Variants in MSRB3 observed in about 807,000 individuals in gnomAD.
MSRB3 encodes methionine-R-sulfoxide reductase B3.
A neutral mutation model predicts 21.0 loss-of-function variants in MSRB3; 13 were observed. The observed-to-expected ratio is 0.62, with a 90% CI of 0.40 to 0.98. The LOEUF (loss-of-function observed/expected upper bound fraction) is 0.98, where lower values mean the gene tolerates loss of function less well. Ranked by LOEUF, MSRB3 falls within the 50% of genes least tolerant of loss-of-function variation. The pLI, the probability that MSRB3 is intolerant of heterozygous loss-of-function variation, is 0.00. For synonymous variants in MSRB3, 87 were observed against 88.6 expected, an observed-to-expected ratio of 0.98 and a Z score of 0.10; for missense variants, 199 against 230.3, an observed-to-expected ratio of 0.86 and a Z score of 0.88.
In MSRB3 at chr12:65,326,826, G is replaced by T. The variant is rs1875066502; in HGVS notation, c.77G>T (p.Gly26Val). The stretch of plus-strand genomic sequence containing the variant: ...TCTCCCATATCCTCTCTCTTTTCAG[G>T]GTCGTGTAGGGATAAAAAGAACTGT... ...VALRACGLPS[G>V]SCRDKKNCKV... is the part of the protein sequence containing the mutation. The change falls in exon 3 of 7, where the codon GGG becomes GTG. Residue 26 changes from glycine (G) to valine (V), a missense_variant and splice_region_variant. Transcript: ENST00000308259. 6.2e-7 allele frequency: 1 copy of T among 1,612,354 alleles called. No homozygotes were observed. Among genetic ancestry groups the T allele is most frequent in the East Asian group, 2.2e-5 (1 of 44,860 alleles).
At chr12:65,285,328 T>G (rs1487439555) in intron 1 of MSRB3, 1 of 152,186 alleles carries the variant, frequency 6.6e-6, no homozygotes, top group Non-Finnish European at 1.5e-5. Context: ...CACTTGGCCG[T>G]GGTAGCCTGG....
intron 1 of MSRB3, among the ~76,000 whole-genome samples, chr12:65,299,027 T>A (rs536151137): frequency 6.6e-6 from 1 of 152,316 alleles, no homozygotes; most frequent in Non-Finnish European, 1.5e-5. Flanking sequence ...TGCACATGGC[T>A]CTTGGTACAG....
At chr12:65,365,978 G>A (rs1050978997) in intron 4 of MSRB3, among the ~76,000 whole-genome samples, 18 of 151,994 alleles carry the variant, frequency 1.2e-4, no homozygotes, top group African/African-American at 4.4e-4. Flanking sequence ...TTTTGGGGGA[G>A]GGGTGCTTTC....
intron 5 of MSRB3, among the ~76,000 whole-genome samples, chr12:65,436,494 A>C (rs555716311): frequency 6.6e-6 from 1 of 151,994 alleles, no homozygotes; most frequent in East Asian, 1.9e-4. Flanking sequence ...TGCATTTAGA[A>C]ACATTTTCCT....
At chr12:65,374,751 T>G (rs948817610) in intron 5 of MSRB3, among the ~76,000 whole-genome samples, 3 of 152,222 alleles carry the variant, frequency 2.0e-5, no homozygotes, top group Non-Finnish European at 4.4e-5. Context: ...CTGACAAATA[T>G]TTGTGAATAC....
intron 4 of MSRB3, among the ~76,000 whole-genome samples, chr12:65,351,603 A>G (rs1472056128): frequency 5.4e-5 from 8 of 149,330 alleles, no homozygotes; most frequent in African/African-American, 1.8e-4. Context: ...AGAATCAAAT[A>G]GACACAATAA....
rs542212220 is a variant in MSRB3 at position 65,349,391 on chromosome 12, C to A, written c.264-19607C>A. Among the ~76,000 whole-genome samples, 1,288 of 151,968 alleles carry A rather than the reference C, an allele frequency of 8.5e-3. 19 individuals are homozygous for A. The highest frequency in any genetic ancestry group is 0.03 in the African/African-American group (1,220 of 41,318). On this transcript the variant is annotated intron_variant, in intron 4 of 6. Transcript: ENST00000308259. ...CATACGTGTGCATGTGTCTTTATAGCAGCAAGATTTATAGTCCTTTGGGTA... is the reference window on the plus strand; with the variant it reads ...CATACGTGTGCATGTGTCTTTATAGAAGCAAGATTTATAGTCCTTTGGGTA...
At chr12:65,462,638 C>G (rs1883381674) in intron 6 of MSRB3, among the ~76,000 whole-genome samples, 1 of 152,164 alleles carries the variant, frequency 6.6e-6, no homozygotes, top group South Asian at 2.1e-4. Flanking sequence ...TTGAGCCTTG[C>G]CATTGCTTCG....
At chr12:65,460,410 G>T (rs1468623161) in intron 6 of MSRB3, among the ~76,000 whole-genome samples, 1 of 152,202 alleles carries the variant, frequency 6.6e-6, no homozygotes, top group African/African-American at 2.4e-5. Flanking sequence ...GGGAGACTAG[G>T]TTTACCTGGG....
In MSRB3 at chr12:65,331,890, A is replaced by G. The variant is rs191631618; in HGVS notation, c.263+3287A>G. Among the ~76,000 whole-genome samples the G allele has an allele frequency of 1.5e-4, 23 of 152,348 alleles. No homozygotes were observed. In the East Asian group the frequency reaches 3.5e-3, roughly 23 times the overall value. ...ACATTGCAAAAGCCTGGAAGCAGAG[A>G]AACTGCATGGGCTGTGGGATCTGGA... On this transcript the variant is annotated intron_variant, in intron 4 of 6. Coordinates refer to ENST00000308259, the MANE Select transcript of MSRB3 (RefSeq NM_001031679.3).
intron 5 of MSRB3, chr12:65,418,960 GTC>G: frequency 2.8e-6 from 2 of 708,512 alleles, no homozygotes; most frequent in Non-Finnish European, 5.1e-6. Context: ...CTCTGCCCGG[GTC>G]TGTGTCAACT....
intron 1 of MSRB3, among the ~76,000 whole-genome samples, chr12:65,290,852 A>T (rs1872626617): frequency 6.6e-6 from 1 of 152,216 alleles, no homozygotes; most frequent in Admixed American, 6.5e-5. Context: ...AATCAGACAT[A>T]TATAATTGCT....
intron 5 of MSRB3, among the ~76,000 whole-genome samples, chr12:65,389,519 A>G (rs1592591137): frequency 6.6e-6 from 1 of 152,044 alleles, no homozygotes; most frequent in East Asian, 1.9e-4. Context: ...TCATTTATTG[A>G]GGATTTTAGT....
At position 65,453,834 on chromosome 12, in the gene MSRB3, A is replaced by G. The variant is rs746301312; in HGVS notation, c.390+9A>G. On this transcript the variant is annotated intron_variant, in intron 6 of 6. Coordinates refer to ENST00000308259, the MANE Select transcript of MSRB3 (RefSeq NM_001031679.3). ...AAACAAGCTGCTCTCAGGTGAGTTC[A>G]TCCTTTCTGAAAACCCAATACATTG... 1 of 1,610,988 alleles carries G rather than the reference A, an allele frequency of 6.2e-7. No homozygotes were observed. Among genetic ancestry groups the G allele is most frequent in the Non-Finnish European group, 8.5e-7 (1 of 1,177,148 alleles).
intron 5 of MSRB3, among the ~76,000 whole-genome samples, chr12:65,378,105 C>T (rs1327267325): frequency 1.3e-5 from 2 of 152,086 alleles, no homozygotes; most frequent in Non-Finnish European, 2.9e-5. Context: ...GTGTTACTTA[C>T]GTTGACTAGC....
chr12:65,429,834 AC>A (rs1159669344), intron 5 of MSRB3, among the ~76,000 whole-genome samples: 1 of 152,108 alleles, frequency 6.6e-6, no homozygotes, highest in Admixed American at 6.5e-5. Context: ...GTTCATACAG[AC>A]CTCTAAGTAA....
At chr12:65,430,901 G>A (rs1470670320) in intron 5 of MSRB3, among the ~76,000 whole-genome samples, 2 of 152,024 alleles carry the variant, frequency 1.3e-5, no homozygotes, top group Non-Finnish European at 2.9e-5. Context: ...GGCAAGTCTG[G>A]TGCCCTTAAA....
At chr12:65,283,904 A>T (rs1470882546) in intron 1 of MSRB3, 2 of 152,180 alleles carry the variant, frequency 1.3e-5, no homozygotes, top group African/African-American at 4.8e-5. Context: ...TAGATTTTAC[A>T]TGCTTTTCCA....
chr12:65,408,061 T>C (rs1880513413), intron 5 of MSRB3, among the ~76,000 whole-genome samples: 1 of 152,136 alleles, frequency 6.6e-6, no homozygotes, highest in African/African-American at 2.4e-5. Flanking sequence ...TGATGCTTGC[T>C]CTATCTCTTC....
Sources: allele counts gnomAD v4.1 joint callset (sites outside exome capture counted in the v4.1 genomes callset), GRCh38; gene constraint gnomAD v4.1.1; transcripts MANE v1.5; gene names NCBI Gene and HGNC (gene_info 2026-07-23, HGNC 2026-07-21).